Variants in NEDD4L observed in about 807,000 individuals in gnomAD.
NEDD4L encodes the protein E3 ubiquitin-protein ligase NEDD4-like.
Under a neutral mutation model 148.9 loss-of-function variants are expected in NEDD4L, and 54 were observed. The ratio of observed to expected loss-of-function variants is 0.36; its 90% CI spans 0.29 to 0.45. The LOEUF is 0.45. Ranked by LOEUF, NEDD4L falls within the 20% of genes least tolerant of loss-of-function variation. The pLI is 1.00. For missense variants in NEDD4L, 856 were observed against 1,233.8 expected (o/e 0.69, Z 4.59); for synonymous variants, 433 against 440.7 (o/e 0.98, Z 0.22).
chr18:58,142,314 C>T (rs2033640476), intron 1 of NEDD4L, among the ~76,000 whole-genome samples: 1 of 146,850 alleles, frequency 6.8e-6, no homozygotes, highest in Non-Finnish European at 1.5e-5. Context: ...TCCCAAAGTG[C>T]TGGGATTACA....
At chr18:58,241,953 A>G (rs2046685266) in intron 2 of NEDD4L, among the ~76,000 whole-genome samples, 2 of 152,018 alleles carry the variant, frequency 1.3e-5, no homozygotes, top group South Asian at 4.1e-4. Flanking sequence ...AGAGAGTCAT[A>G]TTCATGCTAG....
intron 2 of NEDD4L, among the ~76,000 whole-genome samples, chr18:58,215,665 A>T (rs371698659): frequency 6.6e-6 from 1 of 152,310 alleles, no homozygotes; most frequent in South Asian, 2.1e-4. Context: ...ACAAGAAGGA[A>T]TTTCCCCACT....
intron 5 of NEDD4L, among the ~76,000 whole-genome samples, chr18:58,266,545 C>T (rs1389237701): frequency 1.3e-5 from 2 of 152,070 alleles, no homozygotes; most frequent in Non-Finnish European, 2.9e-5. Context: ...TACTGAGGTT[C>T]CCCCACTCCA....
chr18:58,393,656 TC>T (rs961971428), intron 30 of NEDD4L, among the ~76,000 whole-genome samples: 8 of 152,220 alleles, frequency 5.3e-5, no homozygotes, highest in African/African-American at 1.9e-4. Flanking sequence ...ATGGCTTTCC[TC>T]CCTACCTGAC....
chr18:58,065,395 G>A (rs755089380), intron 1 of NEDD4L, among the ~76,000 whole-genome samples: 23 of 152,310 alleles, frequency 1.5e-4, no homozygotes, highest in Admixed American at 5.9e-4. Context: ...TGTGCATTGC[G>A]CACTATGCTG....
intron 2 of NEDD4L, among the ~76,000 whole-genome samples, chr18:58,177,783 C>G (rs546232357): frequency 1.3e-4 from 20 of 152,278 alleles, no homozygotes; most frequent in African/African-American, 4.6e-4. Flanking sequence ...ACTTCATTTG[C>G]TAAGAAACAT....
chr18:58,379,372 C>G (rs2048023208), intron 24 of NEDD4L, among the ~76,000 whole-genome samples: 1 of 152,268 alleles, frequency 6.6e-6, no homozygotes, highest in Non-Finnish European at 1.5e-5. Flanking sequence ...CGATTTCTCC[C>G]ACTTAGGGTT....
chr18:58,316,635 C>T (rs776965253), intron 6 of NEDD4L, among the ~76,000 whole-genome samples: 1 of 152,202 alleles, frequency 6.6e-6, no homozygotes, highest in Non-Finnish European at 1.5e-5. Context: ...CTCAAAGTAG[C>T]GGAGCAGTCG....
chr18:58,292,893 C>A (rs556372027), intron 5 of NEDD4L, among the ~76,000 whole-genome samples: 1 of 152,256 alleles, frequency 6.6e-6, no homozygotes, highest in African/African-American at 2.4e-5. Context: ...GAAAGTGATA[C>A]CTTTAGATCC....
chr18:58,267,574 A>G (rs1600461847), intron 5 of NEDD4L, among the ~76,000 whole-genome samples: 1 of 152,008 alleles, frequency 6.6e-6, no homozygotes, highest in South Asian at 2.1e-4. Flanking sequence ...TCCGAATACC[A>G]GGAAAGATCA....
intron 5 of NEDD4L, among the ~76,000 whole-genome samples, chr18:58,266,407 A>C (rs1010993784): frequency 3.3e-5 from 5 of 151,826 alleles, no homozygotes; most frequent in African/African-American, 4.8e-5. Flanking sequence ...AATGAGGGAA[A>C]CACCAGATGT....
intron 1 of NEDD4L, among the ~76,000 whole-genome samples, chr18:58,129,598 T>C (rs1228304013): frequency 6.6e-6 from 1 of 152,236 alleles, no homozygotes; most frequent in Non-Finnish European, 1.5e-5. Context: ...ATGATTTCAT[T>C]AAGCTGTGTG....
At chr18:58,297,391 C>T (rs139673790) in intron 5 of NEDD4L, among the ~76,000 whole-genome samples, 205 of 152,282 alleles carry the variant, frequency 1.3e-3, no homozygotes, top group African/African-American at 4.1e-3. Flanking sequence ...GAACATACTA[C>T]GTGTTGATGC....
chr18:58,109,680 C>T (rs1297608585), intron 1 of NEDD4L, among the ~76,000 whole-genome samples: 2 of 150,972 alleles, frequency 1.3e-5, no homozygotes, highest in South Asian at 4.2e-4. Context: ...AAGCAACCCT[C>T]CTGCCTCAGC....
rs558003151 is a variant in NEDD4L, at chr18:58,256,617, C to G, written c.297+4563C>G. On this transcript the variant is annotated intron_variant, in intron 5 of 30. Transcript: ENST00000400345. This position sits in a 1 kb window ranked among gnomAD's most constrained non-coding sequence, Gnocchi z 5.2. ...CGCAGGACGAACTCCGCGGAGAGGA[C>G]TCCGCAGGGCCAGGGGTGCACATTT... 8.1e-7 allele frequency: 1 copy of G among 1,232,230 alleles called. No individual in the cohort carries two copies. The highest frequency in any genetic ancestry group is 4.2e-5 in the Admixed American group (1 of 23,724). The allele number at this position is 1,232,230 out of a possible 1,614,324, so 76.3% of individuals were successfully genotyped here.
chr18:58,255,695 G>C, intron 5 of NEDD4L: 1 of 1,232,420 alleles, frequency 8.1e-7, no homozygotes, highest in Non-Finnish European at 1.0e-6. Context: ...CACAGCCCCC[G>C]AATCAGACAT....
chr18:58,323,682 G>A (rs992534825), intron 8 of NEDD4L, among the ~76,000 whole-genome samples: 6 of 152,146 alleles, frequency 3.9e-5, no homozygotes, highest in South Asian at 2.1e-4. Context: ...CATTGAGGTC[G>A]CTTCAAAGTG....
intron 9 of NEDD4L, among the ~76,000 whole-genome samples, chr18:58,328,333 A>G (rs1281106617): frequency 2.0e-5 from 3 of 152,252 alleles, no homozygotes. Context: ...GACAAAAAAT[A>G]GGGTATGATG....
At chr18:58,338,524 T>C (rs2042046379) in intron 13 of NEDD4L, among the ~76,000 whole-genome samples, 1 of 152,226 alleles carries the variant, frequency 6.6e-6, no homozygotes, top group Non-Finnish European at 1.5e-5. Context: ...CAGTTCTCAA[T>C]AGAAGAGAGA....
Sources: allele counts gnomAD v4.1 joint callset (sites outside exome capture counted in the v4.1 genomes callset), GRCh38; gene constraint gnomAD v4.1.1; non-coding constraint Gnocchi (gnomAD v3.1); transcripts MANE v1.5; gene names NCBI Gene and HGNC (gene_info 2026-07-23, HGNC 2026-07-21).